Variants in ZC3H12B observed in about 807,000 individuals in gnomAD.
ZC3H12B encodes probable ribonuclease ZC3H12B.
Under a neutral mutation model 43.9 loss-of-function variants are expected in ZC3H12B, and 7 were observed. That is an observed-to-expected ratio of 0.16 (90% CI 0.09 to 0.30). The LOEUF is 0.30. Among genes scored for constraint, ZC3H12B ranks in the 10% least tolerant of loss-of-function variants. ZC3H12B has a pLI of 1.00. For synonymous variants in ZC3H12B, 222 were observed against 241.7 expected (o/e 0.92, Z 0.76); for missense variants, 475 against 670.2 (o/e 0.71, Z 3.22).
At chrX:65,281,936 G>A in the ZC3H12B span, among the ~76,000 whole-genome samples, 9 of 111,732 alleles carry the variant, frequency 8.1e-5, no homozygotes, top group South Asian at 3.0e-3. Flanking sequence ...TTATCCCTAG[G>A]ACGCAAGGAC....
At chrX:65,436,589 A>AC (rs1449991089) in intron 3 of ZC3H12B, among the ~76,000 whole-genome samples, 1 of 111,990 alleles carries the variant, frequency 8.9e-6, no homozygotes, top group Non-Finnish European at 1.9e-5. Flanking sequence ...TCAAATTGAC[A>AC]CCTGAAATTA....
At chrX:65,443,929 A>G (rs761301967) in intron 3 of ZC3H12B, among the ~76,000 whole-genome samples, 11 of 112,515 alleles carry the variant, frequency 9.8e-5, no homozygotes, top group Non-Finnish European at 1.7e-4. Context: ...CAGGCAGAAG[A>G]TAGTTGGGAC....
At chrX:65,293,130 A>T in the ZC3H12B span, among the ~76,000 whole-genome samples, 2 of 112,075 alleles carry the variant, frequency 1.8e-5, no homozygotes, top group Admixed American at 1.9e-4. Flanking sequence ...AAAGCAGGTG[A>T]TGGTATCGAC....
chrX:65,336,310 C>A, the ZC3H12B span, among the ~76,000 whole-genome samples: 1 of 112,082 alleles, frequency 8.9e-6, no homozygotes, highest in South Asian at 3.7e-4. Context: ...CCTGAGCGAC[C>A]CTGGCAACCC....
chrX:65,112,984 G>A, the ZC3H12B span, among the ~76,000 whole-genome samples: 1 of 111,793 alleles, frequency 8.9e-6, no homozygotes, highest in Non-Finnish European at 1.9e-5. Flanking sequence ...ATGATTCAGT[G>A]TTATAGATGC....
At chrX:65,464,235 C>T in intron 3 of ZC3H12B, among the ~76,000 whole-genome samples, 2 of 111,747 alleles carry the variant, frequency 1.8e-5, no homozygotes, top group Non-Finnish European at 3.8e-5. Flanking sequence ...CTTTGAGCTT[C>T]CCTGGGATAC....
the ZC3H12B span, among the ~76,000 whole-genome samples, chrX:65,170,968 G>T: frequency 3.6e-5 from 4 of 111,687 alleles, no homozygotes; most frequent in African/African-American, 9.8e-5. Flanking sequence ...GCTTATTTGT[G>T]ATGGGTTAGA....
chrX:65,212,218 ATATAT>A, the ZC3H12B span, among the ~76,000 whole-genome samples: 1 of 49,337 alleles, frequency 2.0e-5, no homozygotes, highest in Non-Finnish European at 3.3e-5. Context: ...ATAATATATT[ATATAT>A]TATATTATAT....
chrX:65,293,243 G>A, the ZC3H12B span, among the ~76,000 whole-genome samples: 2 of 110,637 alleles, frequency 1.8e-5, no homozygotes, highest in Non-Finnish European at 3.8e-5. Flanking sequence ...AGACCCAAAA[G>A]AGAAATAACA....
At chrX:65,186,755 G>C in the ZC3H12B span, among the ~76,000 whole-genome samples, 76 of 111,006 alleles carry the variant, frequency 6.8e-4, no homozygotes, top group African/African-American at 2.2e-3. Flanking sequence ...TCATAGCTTA[G>C]CTCCCACATA....
chrX:65,129,524 G>C, the ZC3H12B span, among the ~76,000 whole-genome samples: 1 of 109,692 alleles, frequency 9.1e-6, no homozygotes, highest in South Asian at 3.9e-4. Flanking sequence ...CAGTGGGGGA[G>C]CTTCTGAGCC....
the ZC3H12B span, among the ~76,000 whole-genome samples, chrX:65,267,791 G>C: frequency 9.0e-6 from 1 of 111,161 alleles, no homozygotes; most frequent in African/African-American, 3.3e-5. Context: ...TAAGAAAGAA[G>C]TTTATAGCAA....
chrX:65,158,696 C>T, the ZC3H12B span, among the ~76,000 whole-genome samples: 3 of 111,303 alleles, frequency 2.7e-5, no homozygotes, highest in Non-Finnish European at 3.8e-5. Flanking sequence ...GAGTAGGTTA[C>T]GAAAATTTTC....
the ZC3H12B span, among the ~76,000 whole-genome samples, chrX:65,048,120 G>A: frequency 3.6e-5 from 4 of 110,903 alleles, no homozygotes; most frequent in Non-Finnish European, 7.6e-5. Flanking sequence ...TTACTTTTAT[G>A]TACCTCCTAT....
the ZC3H12B span, among the ~76,000 whole-genome samples, chrX:65,149,487 C>T: frequency 6.3e-5 from 7 of 110,849 alleles, no homozygotes; most frequent in South Asian, 2.7e-3. Context: ...TATTATGTGC[C>T]GGGTGCAGTG....
chrX:65,230,398 G>T, the ZC3H12B span, among the ~76,000 whole-genome samples: 2 of 109,232 alleles, frequency 1.8e-5, no homozygotes, highest in East Asian at 2.9e-4. Context: ...ATGGGGGGAA[G>T]GGGGAGGGAT....
chrX:65,468,482 TTTC>T (rs1249604403), intron 3 of ZC3H12B, among the ~76,000 whole-genome samples: 2 of 92,173 alleles, frequency 2.2e-5, no homozygotes, highest in South Asian at 4.1e-4. Context: ...TTATTCTTTC[TTTC>T]TTTTTTTTTT....
chrX:65,099,611 C>G, the ZC3H12B span, among the ~76,000 whole-genome samples: 1 of 111,335 alleles, frequency 9.0e-6, no homozygotes, highest in Non-Finnish European at 1.9e-5. Flanking sequence ...CTCCAGCATA[C>G]TGCAGCAGAA....
the ZC3H12B span, among the ~76,000 whole-genome samples, chrX:65,253,690 T>A: frequency 1.8e-5 from 2 of 111,785 alleles, no homozygotes; most frequent in Non-Finnish European, 1.9e-5. Flanking sequence ...TGCAGTACAG[T>A]CTTTGATGCC....
Sources: gnomAD v4.1 joint callset for allele counts (sites outside exome capture counted in the v4.1 genomes callset) on GRCh38, gnomAD v4.1.1 for gene constraint, MANE v1.5 for transcripts, NCBI Gene and HGNC (gene_info 2026-07-23, HGNC 2026-07-21) for gene names.